The following PDE8B variants were observed in gnomAD, a reference collection of about 807,000 sequenced individuals.
The protein encoded by PDE8B is phosphodiesterase 8B.
In PDE8B, 26 loss-of-function variants were observed where a neutral mutation model predicts 101.3. The ratio of observed to expected loss-of-function variants is 0.26; its 90% confidence interval spans 0.19 to 0.36. The LOEUF is 0.36. PDE8B is among the 10% of genes least tolerant of loss of function. The probability of loss-of-function intolerance (pLI) is 1.00; values close to 1 mark genes in which losing one functional copy is unlikely to be tolerated. For synonymous variants in PDE8B, 424 were observed against 429.3 expected (o/e 0.99, Z 0.15); for missense variants, 810 against 1,163.1 (o/e 0.70, Z 4.42).
intron 10 of PDE8B, among the ~76,000 whole-genome samples, chr5:77,392,350 A>G (rs1203293955): frequency 2.0e-5 from 3 of 152,132 alleles, no homozygotes; most frequent in Non-Finnish European, 4.4e-5. Context: ...TCAGAAAGGA[A>G]CATTAATAAG....
chr5:77,153,053 G>A, the PDE8B span, among the ~76,000 whole-genome samples: 8 of 152,274 alleles, frequency 5.3e-5, no homozygotes, highest in South Asian at 4.1e-4. Context: ...AATGACTTGG[G>A]AGGGGAATAA....
intron 10 of PDE8B, among the ~76,000 whole-genome samples, chr5:77,399,620 A>G (rs1443895703): frequency 6.6e-6 from 1 of 152,234 alleles, no homozygotes; most frequent in Non-Finnish European, 1.5e-5. Flanking sequence ...CACACTTATT[A>G]TTTCTAGTGC....
chr5:77,391,432 G>A (rs747367001), intron 10 of PDE8B, among the ~76,000 whole-genome samples: 1 of 152,212 alleles, frequency 6.6e-6, no homozygotes, highest in Non-Finnish European at 1.5e-5. Context: ...TCCATGCTGG[G>A]TTGCTAGCCA....
upstream of PDE8B, among the ~76,000 whole-genome samples, chr5:77,209,802 G>A (rs1180988719): frequency 6.6e-6 from 1 of 152,190 alleles, no homozygotes; most frequent in Non-Finnish European, 1.5e-5. Context: ...TGAAAATGGG[G>A]GAGAAAGCCA....
chr5:77,245,758 A>G (rs1452426534), intron 1 of PDE8B, among the ~76,000 whole-genome samples: 4 of 151,368 alleles, frequency 2.6e-5, no homozygotes, highest in African/African-American at 9.8e-5. Context: ...TACATATGAT[A>G]ACTTATCTGA....
At chr5:77,118,194 G>A in the PDE8B span, 1 of 384,850 alleles carries the variant, frequency 2.6e-6, no homozygotes. Flanking sequence ...TGATCCTCCT[G>A]CCTCAGCCTC....
chr5:77,173,299 G>A, the PDE8B span, among the ~76,000 whole-genome samples: 1 of 152,194 alleles, frequency 6.6e-6, no homozygotes, highest in African/African-American at 2.4e-5. Flanking sequence ...GGAGGTTTAT[G>A]TGTGCTTGTT....
rs70988668 is a variant in PDE8B, at chr5:77,375,889, C to CTTTTTTTTT, written c.1167+22495_1167+22503dup. ...TAATACTCACTTTGTGCCTTGATTT[C>CTTTTTTTTT]TTTTTTTTTTTTTTTTTTTTGAGGC... On this transcript the variant is annotated intron_variant, in intron 10 of 21. Coordinates refer to ENST00000264917, the MANE Select transcript of PDE8B (RefSeq NM_003719.5). Among the ~76,000 whole-genome samples, 53 of 108,320 alleles carry CTTTTTTTTT rather than the reference C, an allele frequency of 4.9e-4. 1 individual carries two copies. Among genetic ancestry groups the CTTTTTTTTT allele is most frequent in the Non-Finnish European group, 6.4e-4 (36 of 56,410 alleles). The allele number at this position is 108,320 out of a possible 152,430, so 71.1% of individuals were successfully genotyped here. A position where few individuals can be genotyped will look rare whatever the true frequency, so the allele number is the denominator to read the frequency against.
At chr5:77,317,023 G>A (rs994559990) in intron 2 of PDE8B, among the ~76,000 whole-genome samples, 1 of 152,174 alleles carries the variant, frequency 6.6e-6, no homozygotes, top group East Asian at 1.9e-4. Flanking sequence ...TTGACTCAAT[G>A]ATTCATGCAA....
the PDE8B span, among the ~76,000 whole-genome samples, chr5:77,166,122 A>G: frequency 6.6e-6 from 1 of 151,784 alleles, no homozygotes; most frequent in Admixed American, 6.6e-5. Context: ...GAAGCAGAAG[A>G]AATGATGGAA....
chr5:77,283,716 A>G lies in PDE8B; in HGVS notation c.340-28278A>G, dbSNP rs1276678614. ...ATATTCCATCATTAGAATGTACCAC[A>G]GTTTATTTATCCAGCCACCTACTGA... is the stretch of plus-strand genomic sequence containing the variant. On this transcript the variant is annotated intron_variant, in intron 1 of 21. Transcript: ENST00000264917. 2.0e-5 allele frequency among the ~76,000 whole-genome samples: 3 copies of G among 152,196 alleles called. No homozygotes were observed. The East Asian group carries it at 5.8e-4, about 29-fold the overall frequency.
chr5:77,232,784 T>C lies in PDE8B; in HGVS notation c.339+21520T>C, dbSNP rs541784120. On this transcript the variant is annotated intron_variant, in intron 1 of 21. Coordinates refer to ENST00000264917, the MANE Select transcript of PDE8B (RefSeq NM_003719.5). The stretch of plus-strand genomic sequence containing the variant: ...GTGGTGATGCAGCAGGTTGAACTTT[T>C]TTTGTGAAGTGTTGTCATGGAAACC... Among the ~76,000 whole-genome samples, 10 of 152,332 alleles carry C rather than the reference T, an allele frequency of 6.6e-5. No homozygotes were observed. The South Asian group carries it at 1.5e-3, about 22-fold the overall frequency.
chr5:77,210,322 C>G (rs994477009), upstream of PDE8B: 1 of 150,696 alleles, frequency 6.6e-6, no homozygotes, highest in African/African-American at 2.4e-5. The surrounding 1 kb of genome is among the most constrained non-coding windows in gnomAD (Gnocchi z 4.9). Flanking sequence ...CGCGGCGGAG[C>G]CGAGCCGCGG....
intron 10 of PDE8B, among the ~76,000 whole-genome samples, chr5:77,398,139 C>T (rs1791461793): frequency 6.6e-6 from 1 of 151,858 alleles, no homozygotes; most frequent in African/African-American, 2.4e-5. Context: ...TAGGAACAGA[C>T]AGAAGTAAAT....
At chr5:77,384,044 A>G (rs1217760250) in intron 10 of PDE8B, among the ~76,000 whole-genome samples, 1 of 152,202 alleles carries the variant, frequency 6.6e-6, no homozygotes, top group East Asian at 1.9e-4. Context: ...CTTGATGGGA[A>G]TAGCATTGAA....
chr5:77,423,870 C>A (rs757869967), intron 20 of PDE8B, among the ~76,000 whole-genome samples: 2 of 151,816 alleles, frequency 1.3e-5, no homozygotes, highest in Non-Finnish European at 2.9e-5. Context: ...TTCCTGAGCT[C>A]AGGCAATCCG....
At chr5:77,398,513 G>C (rs1001331738) in intron 10 of PDE8B, among the ~76,000 whole-genome samples, 1 of 151,954 alleles carries the variant, frequency 6.6e-6, no homozygotes, top group Non-Finnish European at 1.5e-5. Flanking sequence ...GTAGAGAGGG[G>C]GTTTCACCAT....
chr5:77,225,856 A>G (rs1254215663), intron 1 of PDE8B, among the ~76,000 whole-genome samples: 1 of 142,338 alleles, frequency 7.0e-6, no homozygotes, highest in East Asian at 2.0e-4. Context: ...GTGCACACAC[A>G]CACACACACA....
At chr5:77,384,897 G>T (rs1328717869) in intron 10 of PDE8B, among the ~76,000 whole-genome samples, 1 of 152,224 alleles carries the variant, frequency 6.6e-6, no homozygotes, top group East Asian at 1.9e-4. Flanking sequence ...GAGGATTTTC[G>T]CATCGCTGTT....
Sources: allele counts gnomAD v4.1 joint callset (sites outside exome capture counted in the v4.1 genomes callset), GRCh38; gene constraint gnomAD v4.1.1; non-coding constraint Gnocchi (gnomAD v3.1); transcripts MANE v1.5; gene names NCBI Gene and HGNC (gene_info 2026-07-23, HGNC 2026-07-21).